Variants in PARP15 observed in about 807,000 individuals in gnomAD.
PARP15 encodes the protein poly(ADP-ribose) polymerase family member 15.
A neutral mutation model predicts 62.1 loss-of-function variants in PARP15; 50 were observed. That is an observed-to-expected ratio of 0.81 (90% confidence interval 0.64 to 1.02). The LOEUF (loss-of-function observed/expected upper bound fraction) is 1.02. Ranked by LOEUF, PARP15 falls within the 50% of genes least tolerant of loss-of-function variation. PARP15 has a pLI of 0.00. For missense variants in PARP15, 820 were observed against 826.5 expected (o/e 0.99, Z 0.10); for synonymous variants, 309 against 293.1 (o/e 1.05, Z -0.55).
intron 2 of PARP15, among the ~76,000 whole-genome samples, chr3:122,606,916 T>C (rs548200046): frequency 1.1e-4 from 16 of 152,194 alleles, no homozygotes; most frequent in Non-Finnish European, 2.1e-4. Context: ...GAGACTCTTC[T>C]GGATTGTGAG....
intron 2 of PARP15, among the ~76,000 whole-genome samples, chr3:122,609,829 A>G (rs915822435): frequency 6.6e-6 from 1 of 152,134 alleles, no homozygotes; most frequent in Admixed American, 6.5e-5. Flanking sequence ...TGAGTTGAAT[A>G]TGTAACATCT....
At chr3:122,600,784 A>G (rs983153214) in intron 1 of PARP15, among the ~76,000 whole-genome samples, 1 of 146,278 alleles carries the variant, frequency 6.8e-6, no homozygotes, top group African/African-American at 2.7e-5. Flanking sequence ...CCCCAAATTC[A>G]TTATTACCTT....
In PARP15 at chr3:122,628,348, C is replaced by G. The variant is rs140815209; in HGVS notation, c.1438+1315C>G. 7.9e-5 allele frequency among the ~76,000 whole-genome samples: 12 copies of G among 152,184 alleles called. No individual in the cohort carries two copies. In the East Asian group the frequency reaches 1.4e-3, roughly 17 times the overall value. On this transcript the variant is annotated intron_variant, in intron 9 of 11. Transcript: ENST00000464300. ...ACTTCAGCTAGAGGGGGTCACCATC[C>G]GAAGCAATGGGGAATAGCTGTTCCC...
At chr3:122,618,197 C>T (rs1433157865) in intron 6 of PARP15, among the ~76,000 whole-genome samples, 1 of 152,114 alleles carries the variant, frequency 6.6e-6, no homozygotes, top group Non-Finnish European at 1.5e-5. Context: ...TTCCATTTTT[C>T]AGTCATTTAA....
chr3:122,597,509 G>A (rs567658744), intron 1 of PARP15, among the ~76,000 whole-genome samples: 2 of 152,156 alleles, frequency 1.3e-5, no homozygotes, highest in South Asian at 2.1e-4. Context: ...TGATCTGCCC[G>A]CCTTGGCCTC....
Position 122,617,007 on chromosome 3 carries a change from C to G in PARP15, c.851-8C>G. The G allele has an allele frequency of 1.2e-6, 2 of 1,612,330 alleles. No homozygotes were observed. The highest frequency in any genetic ancestry group is 1.7e-6 in the Non-Finnish European group (2 of 1,179,034). ...AGCCCATTCTTTACCTATTTTCTTT[C>G]TTTTCAGGTGTGGTCGGGACTGTCT... On this transcript the variant is annotated splice_region_variant and splice_polypyrimidine_tract_variant and intron_variant, in intron 5 of 11. Coordinates refer to ENST00000464300, the MANE Select transcript of PARP15 (RefSeq NM_001113523.3).
intron 9 of PARP15, among the ~76,000 whole-genome samples, chr3:122,627,580 G>A (rs1030376887): frequency 1.1e-4 from 17 of 152,126 alleles, no homozygotes; most frequent in South Asian, 6.2e-4. Flanking sequence ...CTCTGATTTC[G>A]TTTTCCCCTA....
chr3:122,595,810 G>C (rs1934291081), intron 1 of PARP15, among the ~76,000 whole-genome samples: 1 of 152,140 alleles, frequency 6.6e-6, no homozygotes, highest in South Asian at 2.1e-4. Flanking sequence ...TGGGATTACA[G>C]GCATGAGCCA....
At chr3:122,598,312 T>A (rs1166004090) in intron 1 of PARP15, among the ~76,000 whole-genome samples, 3 of 152,264 alleles carry the variant, frequency 2.0e-5, no homozygotes, top group African/African-American at 7.2e-5. Context: ...TCACACTTTC[T>A]GTGATCAGGA....
Position 122,638,556 on chromosome 3 carries a change from A to T in PARP15, c.*2456A>T, listed in dbSNP as rs968984513. 3 of 152,134 alleles carry T rather than the reference A, an allele frequency of 2.0e-5. No individual in the cohort carries two copies. Among genetic ancestry groups the T allele is most frequent in the African/African-American group, 7.2e-5 (3 of 41,448 alleles). The allele number at this position is 152,134 out of a possible 1,614,324, so 9.4% of individuals were successfully genotyped here. On this transcript the variant is annotated 3_prime_UTR_variant, in exon 12 of 12. Transcript: ENST00000464300. ...TGCATTTCTCTGATGGCCAGTGATG[A>T]TGAGCATTTTTTCATGTGTTTTTTG...
At chr3:122,621,323 C>T in intron 7 of PARP15, 121 bp from the exon 8 acceptor site, 1 of 1,069,240 alleles carries the variant, frequency 9.4e-7, no homozygotes, top group Non-Finnish European at 1.3e-6. Flanking sequence ...AACCAACAAG[C>T]TCGAGTGAGA....
intron 1 of PARP15, among the ~76,000 whole-genome samples, chr3:122,584,841 G>A (rs1410878575): frequency 6.6e-6 from 1 of 152,124 alleles, no homozygotes; most frequent in African/African-American, 2.4e-5. Context: ...GCCTCCCAAA[G>A]TGCTGGGATT....
At position 122,636,750 on chromosome 3, in the gene PARP15, T is replaced by G. The variant is rs1227293279; in HGVS notation, c.*650T>G. Reference sequence around the variant, plus strand: ...GGAATTCAGGCATGGCTTACCTGGATCATTCTGCTAGGGTCTCTCTGAAGT... The same window carrying G: ...GGAATTCAGGCATGGCTTACCTGGAGCATTCTGCTAGGGTCTCTCTGAAGT... On this transcript the variant is annotated 3_prime_UTR_variant, in exon 12 of 12. Coordinates refer to ENST00000464300, the MANE Select transcript of PARP15 (RefSeq NM_001113523.3). 6.6e-6 allele frequency: 1 copy of G among 152,384 alleles called. No homozygotes were observed. The highest frequency in any genetic ancestry group is 1.5e-5 in the Non-Finnish European group (1 of 68,200). The allele number at this position is 152,384 out of a possible 1,614,324, so 9.4% of individuals were successfully genotyped here.
intron 1 of PARP15, among the ~76,000 whole-genome samples, chr3:122,580,562 G>A (rs2080782088): frequency 6.6e-6 from 1 of 152,032 alleles, no homozygotes; most frequent in Non-Finnish European, 1.5e-5. Flanking sequence ...TTGTTGCATA[G>A]GCAATCTTCA....
chr3:122,606,101 A>G (rs1248736115), intron 2 of PARP15, 46 bp downstream of exon 2: 13 of 1,523,302 alleles, frequency 8.5e-6, no homozygotes, highest in South Asian at 1.2e-5. Flanking sequence ...AGTGGGATCT[A>G]TTTAACTTGT....
chr3:122,584,818 T>C (rs1455683344), intron 1 of PARP15, among the ~76,000 whole-genome samples: 1 of 152,126 alleles, frequency 6.6e-6, no homozygotes, highest in Non-Finnish European at 1.5e-5. Flanking sequence ...CCTCAGGTGA[T>C]CCACCCGCCG....
chr3:122,593,562 A>C (rs1934115365), intron 1 of PARP15, among the ~76,000 whole-genome samples: 1 of 152,210 alleles, frequency 6.6e-6, no homozygotes, highest in South Asian at 2.1e-4. Context: ...TTAATAACTT[A>C]ATATTTCAGT....
In PARP15 at chr3:122,603,883, C is replaced by G. The variant is rs551101945; in HGVS notation, c.187-2053C>G. On this transcript the variant is annotated intron_variant, in intron 1 of 11. Transcript: ENST00000464300. ...TTTTAAACAGAAAAAAATTGATATC[C>G]TTTTTGAGTGAGATCAGGCATGGAA... Among the ~76,000 whole-genome samples, 3 of 152,220 alleles carry G rather than the reference C, an allele frequency of 2.0e-5. No homozygotes were observed. In the South Asian group the frequency reaches 6.2e-4, roughly 32 times the overall value.
At chr3:122,592,365 C>T (rs958060628) in intron 1 of PARP15, among the ~76,000 whole-genome samples, 2 of 152,128 alleles carry the variant, frequency 1.3e-5, no homozygotes, top group Non-Finnish European at 2.9e-5. Flanking sequence ...CACATGTTCT[C>T]ACTTATAAGC....
Sources: gnomAD v4.1 joint callset for allele counts (sites outside exome capture counted in the v4.1 genomes callset) on GRCh38, gnomAD v4.1.1 for gene constraint, MANE v1.5 for transcripts, NCBI Gene and HGNC (gene_info 2026-07-23, HGNC 2026-07-21) for gene names.